The following RAD51B variants were observed in gnomAD, a reference collection of about 807,000 sequenced individuals.
The protein encoded by RAD51B is DNA repair protein RAD51 homolog 2.
A neutral mutation model predicts 42.2 loss-of-function variants in RAD51B; 38 were observed. That is an observed-to-expected ratio of 0.90 (90% CI 0.70 to 1.18). The LOEUF (loss-of-function observed/expected upper bound fraction) is 1.18, where lower values mean the gene tolerates loss of function less well. Among genes scored for constraint, RAD51B ranks in the 50% most tolerant of loss-of-function variants. The probability of loss-of-function intolerance (pLI) is 0.00; values close to 1 mark genes in which losing one functional copy is unlikely to be tolerated. For synonymous variants in RAD51B, 154 were observed against 145.2 expected, an observed-to-expected ratio of 1.06 and a Z score of -0.43; for missense variants, 373 against 400.7, an observed-to-expected ratio of 0.93 and a Z score of 0.59.
At chr14:68,044,527 C>A (rs1185562814) in intron 7 of RAD51B, among the ~76,000 whole-genome samples, 1 of 152,144 alleles carries the variant, frequency 6.6e-6, no homozygotes, top group Non-Finnish European at 1.5e-5. Flanking sequence ...CAGAGATCCA[C>A]CCTGGTTTCC....
chr14:68,101,256 T>G (rs2140551465), intron 7 of RAD51B, among the ~76,000 whole-genome samples: 1 of 152,314 alleles, frequency 6.6e-6, no homozygotes, highest in South Asian at 2.1e-4. Context: ...ATTCCACCCC[T>G]GGCCCTTCCC....
At chr14:68,131,374 A>C (rs1242917820) in intron 7 of RAD51B, among the ~76,000 whole-genome samples, 2 of 152,214 alleles carry the variant, frequency 1.3e-5, no homozygotes. Context: ...TTGGAGCTGC[A>C]TTAACAAAAG....
intron 7 of RAD51B, among the ~76,000 whole-genome samples, chr14:68,062,300 G>A (rs8011621): frequency 0.27 from 41,008 of 152,006 alleles, 7,391 homozygotes; most frequent in African/African-American, 0.51. Context: ...ATTTGTTAGT[G>A]TTTTATTGAG....
intron 5 of RAD51B, among the ~76,000 whole-genome samples, chr14:67,878,988 A>G (rs1031923604): frequency 6.6e-6 from 1 of 152,252 alleles, no homozygotes; most frequent in African/African-American, 2.4e-5. Context: ...TCCTGGGATT[A>G]CAGGCGTGAG....
At chr14:68,106,164 T>A (rs2077373972) in intron 7 of RAD51B, among the ~76,000 whole-genome samples, 1 of 151,964 alleles carries the variant, frequency 6.6e-6, no homozygotes. Flanking sequence ...TCTATTTTCC[T>A]ATTTTTACAA....
chr14:68,636,948 CCT>C (rs1228966144), intron 10 of RAD51B, among the ~76,000 whole-genome samples: 2 of 152,180 alleles, frequency 1.3e-5, no homozygotes, highest in African/African-American at 2.4e-5. Flanking sequence ...CTCTCTAGCC[CCT>C]GTCTCTGCTT....
chr14:67,954,793 C>T (rs1007471881), intron 7 of RAD51B, among the ~76,000 whole-genome samples: 10 of 151,932 alleles, frequency 6.6e-5, no homozygotes, highest in African/African-American at 2.4e-4. Flanking sequence ...TATTTGTAGG[C>T]AGAGGTAAAG....
intron 7 of RAD51B, among the ~76,000 whole-genome samples, chr14:68,041,086 GTTC>G (rs1471987214): frequency 6.6e-6 from 1 of 152,148 alleles, no homozygotes; most frequent in Non-Finnish European, 1.5e-5. Context: ...CCCTTTTGCT[GTTC>G]TTGTGATAGT....
chr14:68,353,509 A>G (rs185514270), intron 8 of RAD51B, among the ~76,000 whole-genome samples: 3 of 152,220 alleles, frequency 2.0e-5, no homozygotes, highest in African/African-American at 2.4e-5. Flanking sequence ...AAATGTGTCT[A>G]TTTTTTCTCC....
At chr14:68,563,130 C>T (rs1489218037) in intron 10 of RAD51B, 7 of 985,340 alleles carry the variant, frequency 7.1e-6, no homozygotes, top group Non-Finnish European at 7.2e-6. Context: ...GAGGGCTTCA[C>T]ATTTGACTTG....
At chr14:68,096,762 A>C (rs985381693) in intron 7 of RAD51B, among the ~76,000 whole-genome samples, 1 of 152,214 alleles carries the variant, frequency 6.6e-6, no homozygotes, top group Non-Finnish European at 1.5e-5. Flanking sequence ...GGCTAGAGCC[A>C]AATTTGCAAG....
intron 10 of RAD51B, among the ~76,000 whole-genome samples, chr14:68,539,500 A>G (rs1887836477): frequency 6.6e-6 from 1 of 152,214 alleles, no homozygotes; most frequent in African/African-American, 2.4e-5. Context: ...AGGGGTCCCC[A>G]GCCCCACAGG....
At chr14:68,073,391 C>T (rs189952194) in intron 7 of RAD51B, among the ~76,000 whole-genome samples, 3 of 152,274 alleles carry the variant, frequency 2.0e-5, no homozygotes, top group Admixed American at 2.0e-4. Flanking sequence ...TTCTCCATCC[C>T]TTTACTCTGA....
chr14:67,925,091 C>T (rs1458382204), intron 7 of RAD51B, among the ~76,000 whole-genome samples: 4 of 152,180 alleles, frequency 2.6e-5, no homozygotes, highest in Non-Finnish European at 5.9e-5. Context: ...AAAATGATCT[C>T]CTTTGACTCC....
downstream of RAD51B, among the ~76,000 whole-genome samples, chr14:68,614,075 A>G (rs149058857): frequency 2.9e-3 from 449 of 152,330 alleles, 1 homozygote; most frequent in African/African-American, 0.01. Flanking sequence ...ACTTTAAAGA[A>G]CTCATACTGC....
At chr14:67,845,771 T>C (rs1382109962) in intron 4 of RAD51B, among the ~76,000 whole-genome samples, 2 of 152,174 alleles carry the variant, frequency 1.3e-5, no homozygotes, top group Non-Finnish European at 2.9e-5. Context: ...GCTTGCAGAG[T>C]TTCTGCTGAA....
At chr14:68,092,173 G>A (rs966084014) in intron 7 of RAD51B, among the ~76,000 whole-genome samples, 1 of 152,194 alleles carries the variant, frequency 6.6e-6, no homozygotes, top group African/African-American at 2.4e-5. Flanking sequence ...GATTGACTTG[G>A]CAATGCAGGC....
intron 7 of RAD51B, among the ~76,000 whole-genome samples, chr14:67,970,963 G>A (rs2074886137): frequency 6.6e-6 from 1 of 152,202 alleles, no homozygotes; most frequent in East Asian, 1.9e-4. Context: ...CTCAAGTTCA[G>A]CAGTGTTTGC....
intron 4 of RAD51B, among the ~76,000 whole-genome samples, chr14:67,855,233 T>C (rs2041949895): frequency 6.7e-6 from 1 of 149,714 alleles, no homozygotes; most frequent in Admixed American, 6.7e-5. Flanking sequence ...ATTACTATTA[T>C]AGTTCTTTTT....
Sources: gnomAD v4.1 joint callset for allele counts (sites outside exome capture counted in the v4.1 genomes callset) on GRCh38, gnomAD v4.1.1 for gene constraint, MANE v1.5 for transcripts, NCBI Gene and HGNC (gene_info 2026-07-23, HGNC 2026-07-21) for gene names.